ARHGAP22: variants seen among roughly 807,000 people sequenced by gnomAD.
ARHGAP22 encodes rho GTPase-activating protein 22.
ARHGAP22 carries 48 observed loss-of-function variants against 59.1 expected under a neutral mutation model. That is an observed-to-expected ratio of 0.81 (90% CI 0.64 to 1.03). The LOEUF (loss-of-function observed/expected upper bound fraction) is 1.03. Ranked by LOEUF, ARHGAP22 falls within the 50% of genes least tolerant of loss-of-function variation. The pLI is 0.00. For synonymous variants in ARHGAP22, 445 were observed against 416.4 expected (o/e 1.07, Z -0.84); for missense variants, 1,015 against 958.7 (o/e 1.06, Z -0.78).
intron 1 of ARHGAP22, among the ~76,000 whole-genome samples, chr10:48,621,898 C>T (rs2061298591): frequency 6.6e-6 from 1 of 152,018 alleles, no homozygotes; most frequent in Admixed American, 6.6e-5. Flanking sequence ...TATATATTAT[C>T]CTTCTTTCTC....
intron 1 of ARHGAP22, among the ~76,000 whole-genome samples, chr10:48,595,029 C>T (rs890795512): frequency 3.9e-5 from 6 of 152,130 alleles, no homozygotes; most frequent in African/African-American, 7.2e-5. Context: ...CTGTGGCAGC[C>T]TTTGAATAGA....
intron 1 of ARHGAP22, among the ~76,000 whole-genome samples, chr10:48,615,730 G>A (rs529065961): frequency 6.6e-6 from 1 of 152,226 alleles, no homozygotes; most frequent in South Asian, 2.1e-4. Flanking sequence ...AGGAAACCAT[G>A]TACAAAGATC....
exon 1 of ARHGAP22, chr10:48,652,461 G>T (rs61838410): frequency 3.2e-6 from 2 of 625,682 alleles, no homozygotes; most frequent in Admixed American, 2.9e-5. Context: ...TAAGCAAGAA[G>T]CCTCGCTGTG....
intron 4 of ARHGAP22, among the ~76,000 whole-genome samples, chr10:48,460,378 T>G (rs1247042338): frequency 6.6e-6 from 1 of 152,198 alleles, no homozygotes; most frequent in African/African-American, 2.4e-5. Flanking sequence ...ACCATAGTCG[T>G]GACTCAGCAT....
chr10:48,507,899 G>GGGGGGTGGGGGTGGGGTGGGGGT (rs2052313234), intron 3 of ARHGAP22, among the ~76,000 whole-genome samples: 1 of 149,966 alleles, frequency 6.7e-6, no homozygotes, highest in African/African-American at 2.4e-5. Context: ...CGGAAATACT[G>GGGGGGTGGGGGTGGGGTGGGGGT]GGGGGTGGGG....
intron 3 of ARHGAP22, among the ~76,000 whole-genome samples, chr10:48,539,534 GC>G (rs2055727924): frequency 6.6e-6 from 1 of 151,516 alleles, no homozygotes; most frequent in African/African-American, 2.4e-5. Flanking sequence ...CTCGTGATCC[GC>G]CCGCCTCGGC....
chr10:48,588,031 A>G (rs998543049), intron 1 of ARHGAP22, among the ~76,000 whole-genome samples: 4 of 152,250 alleles, frequency 2.6e-5, no homozygotes, highest in African/African-American at 7.2e-5. Context: ...AGGATCTTGC[A>G]CAATCAATAC....
At chr10:48,543,651 T>C (rs542947519) in intron 3 of ARHGAP22, among the ~76,000 whole-genome samples, 1 of 152,278 alleles carries the variant, frequency 6.6e-6, no homozygotes, top group African/African-American at 2.4e-5. Flanking sequence ...ACTCCAGGCC[T>C]CTGGAGCCAG....
intron 3 of ARHGAP22, among the ~76,000 whole-genome samples, chr10:48,548,195 C>T (rs1226994532): frequency 6.6e-6 from 1 of 152,174 alleles, no homozygotes; most frequent in Admixed American, 6.5e-5. Context: ...CAGCTCCTGG[C>T]CCCGTGACAG....
intron 3 of ARHGAP22, among the ~76,000 whole-genome samples, chr10:48,546,214 C>T (rs1218904156): frequency 6.6e-6 from 1 of 152,132 alleles, no homozygotes; most frequent in African/African-American, 2.4e-5. Context: ...TCTTTTCTGT[C>T]GACATTGCCA....
Position 48,535,844 on chromosome 10 carries a change from G to T in ARHGAP22, c.322+19619C>A, listed in dbSNP as rs540704713. ...GGGTTGTCAGCATTGGCTGTGATAT[G>T]AAAAAAAGAGAATGGCACATGGCAA... On this transcript the variant is annotated intron_variant, in intron 3 of 9. Transcript: ENST00000249601. Among the ~76,000 whole-genome samples the T allele has an allele frequency of 3.3e-5, 5 of 152,156 alleles. No homozygotes were observed. The South Asian group carries it at 1.0e-3, about 32-fold the overall frequency.
At chr10:48,493,387 G>C in intron 3 of ARHGAP22, 1 of 1,497,120 alleles carries the variant, frequency 6.7e-7, no homozygotes, top group Non-Finnish European at 9.0e-7. Flanking sequence ...GCCCTCCCCA[G>C]TCTCCCAGCC....
intron 1 of ARHGAP22, among the ~76,000 whole-genome samples, chr10:48,600,200 T>A (rs960001242): frequency 2.2e-4 from 33 of 152,356 alleles, no homozygotes; most frequent in Middle Eastern, 3.4e-3. Context: ...ATTCTCTCAC[T>A]TTCCTTCCTT....
chr10:48,484,718 G>A (rs1301726757), intron 3 of ARHGAP22, among the ~76,000 whole-genome samples: 1 of 152,128 alleles, frequency 6.6e-6, no homozygotes, highest in Non-Finnish European at 1.5e-5. Context: ...GAATTTGTCA[G>A]TTTCATCTAA....
chr10:48,632,232 T>C (rs558579230), intron 1 of ARHGAP22, among the ~76,000 whole-genome samples: 6 of 152,198 alleles, frequency 3.9e-5, no homozygotes, highest in Non-Finnish European at 7.4e-5. Context: ...TGCTTTTCCA[T>C]TCCTGAGTTA....
intron 3 of ARHGAP22, among the ~76,000 whole-genome samples, chr10:48,539,841 T>C (rs1249429276): frequency 6.6e-6 from 1 of 152,268 alleles, no homozygotes; most frequent in Non-Finnish European, 1.5e-5. Flanking sequence ...TATTGTTAAA[T>C]AGCTGTAAAT....
At chr10:48,476,108 T>C (rs553492446) in intron 4 of ARHGAP22, among the ~76,000 whole-genome samples, 1 of 152,302 alleles carries the variant, frequency 6.6e-6, no homozygotes, top group Admixed American at 6.5e-5. Flanking sequence ...GTCACCCGCC[T>C]CCTCTACTAG....
chr10:48,557,103 G>A (rs2057357271), intron 2 of ARHGAP22, among the ~76,000 whole-genome samples: 1 of 152,166 alleles, frequency 6.6e-6, no homozygotes, highest in Non-Finnish European at 1.5e-5. Context: ...GAACCAGCTG[G>A]TAATCTTTGT....
Position 48,455,087 on chromosome 10 carries a change from C to T in ARHGAP22, c.707G>A (p.Arg236Gln), listed in dbSNP as rs748513396. 1.9e-6 allele frequency: 3 copies of T among 1,612,234 alleles called. No homozygotes were observed. The highest frequency in any genetic ancestry group is 3.3e-5 in the Admixed American group (2 of 59,978). ...TVASLLKLYL[R>Q]ELPEPVVPFA... ...GGGGACCACGGGCTCGGGGAGCTCC[C>T]GCAGGTACAGCTTCAGCAGGGAGGC... Residue 236 changes from arginine to glutamine, a missense_variant, in exon 6 of 10, where the codon CGG becomes CAG. Coordinates refer to ENST00000249601, the MANE Select transcript of ARHGAP22 (RefSeq NM_021226.4).
Sources: gnomAD v4.1 joint callset for allele counts (sites outside exome capture counted in the v4.1 genomes callset) on GRCh38, gnomAD v4.1.1 for gene constraint, MANE v1.5 for transcripts, NCBI Gene and HGNC (gene_info 2026-07-23, HGNC 2026-07-21) for gene names.